OR4N2: variants seen among roughly 807,000 people sequenced by gnomAD.
OR4N2 encodes the protein olfactory receptor family 4 subfamily N member 2.
For missense variants in OR4N2, 307 were observed against 377.6 expected, an observed-to-expected ratio of 0.81 and a Z score of 1.55; for synonymous variants, 141 against 140.4, an observed-to-expected ratio of 1.00 and a Z score of -0.03.
At chr14:19,813,130 T>A (rs543615876) in intron 1 of OR4N2, among the ~76,000 whole-genome samples, 1 of 152,356 alleles carries the variant, frequency 6.6e-6, no homozygotes, top group South Asian at 2.1e-4. Flanking sequence ...CTGGATTATA[T>A]GCACAATTAT....
At chr14:19,815,144 G>C (rs1879393028) in intron 1 of OR4N2, among the ~76,000 whole-genome samples, 1 of 152,262 alleles carries the variant, frequency 6.6e-6, no homozygotes, top group African/African-American at 2.4e-5. Flanking sequence ...ATGTGCATGT[G>C]TCTTTATAGT....
At chr14:19,810,502 G>A (rs1879269644) in intron 1 of OR4N2, among the ~76,000 whole-genome samples, 1 of 152,190 alleles carries the variant, frequency 6.6e-6, no homozygotes, top group African/African-American at 2.4e-5. Context: ...ATATCCAAAG[G>A]AATATAAATC....
chr14:19,814,473 C>T (rs1314302164), intron 1 of OR4N2, among the ~76,000 whole-genome samples: 15 of 152,000 alleles, frequency 9.9e-5, no homozygotes, highest in African/African-American at 2.7e-4. Flanking sequence ...GTGCTTATCT[C>T]GCATGCAAAA....
rs183142191 is a variant in OR4N2 at position 19,804,081 on chromosome 14, C to T, written c.-10+237C>T. Among the ~76,000 whole-genome samples, 28 of 152,276 alleles carry T rather than the reference C, an allele frequency of 1.8e-4. No homozygotes were observed. The East Asian group carries it at 4.8e-3, about 26-fold the overall frequency. On this transcript the variant is annotated intron_variant, in intron 1 of 1. Transcript: ENST00000557677. ...TTTCTGACTGTGTTTATTTTTCTCTCTTCTCTTTTTTGCTTTATTAGTCTA... is the reference window on the plus strand; with the variant it reads ...TTTCTGACTGTGTTTATTTTTCTCTTTTCTCTTTTTTGCTTTATTAGTCTA...
chr14:19,827,435 T>G lies in OR4N2; in HGVS notation c.-9-5T>G, dbSNP rs1180581600. ...CAATTAATTCTGCTTCTTAATGTAC[T>G]GCAGGCCAGGGAAATGGAAAGCGAG... On this transcript the variant is annotated splice_region_variant and splice_polypyrimidine_tract_variant and intron_variant, in intron 1 of 1. Coordinates refer to ENST00000557677, the MANE Select transcript of OR4N2 (RefSeq NM_001004723.3). 6.4e-7 allele frequency: 1 copy of G among 1,565,830 alleles called. No individual in the cohort carries two copies. Among genetic ancestry groups the G allele is most frequent in the Non-Finnish European group, 8.6e-7 (1 of 1,158,026 alleles).
At chr14:19,818,256 G>A (rs1255978054) in intron 1 of OR4N2, among the ~76,000 whole-genome samples, 1 of 151,714 alleles carries the variant, frequency 6.6e-6, no homozygotes, top group Non-Finnish European at 1.5e-5. Context: ...AATTTTCATT[G>A]ATCTGTCTAA....
At chr14:19,813,962 C>CT (rs1355381058) in intron 1 of OR4N2, among the ~76,000 whole-genome samples, 4 of 151,038 alleles carry the variant, frequency 2.6e-5, no homozygotes, top group Non-Finnish European at 5.9e-5. Context: ...CTCTCTCTCT[C>CT]TTTTCTTCTT....
chr14:19,825,722 AT>A (rs1879679820), intron 1 of OR4N2, among the ~76,000 whole-genome samples: 1 of 152,010 alleles, frequency 6.6e-6, no homozygotes, highest in East Asian at 1.9e-4. Context: ...CGTCCAGCTA[AT>A]TTTTTTGTAT....
chr14:19,805,469 A>T (rs1879140023), intron 1 of OR4N2, among the ~76,000 whole-genome samples: 2 of 152,336 alleles, frequency 1.3e-5, no homozygotes, highest in South Asian at 4.1e-4. Flanking sequence ...TAACAGCAAA[A>T]TAGACCAAGC....
At chr14:19,806,245 T>C (rs1879161766) in intron 1 of OR4N2, among the ~76,000 whole-genome samples, 1 of 152,162 alleles carries the variant, frequency 6.6e-6, no homozygotes, top group Non-Finnish European at 1.5e-5. Context: ...TAAATGTAAG[T>C]TATCTAAATG....
intron 1 of OR4N2, among the ~76,000 whole-genome samples, chr14:19,815,955 A>C (rs1879416864): frequency 6.6e-6 from 1 of 152,224 alleles, no homozygotes; most frequent in African/African-American, 2.4e-5. Context: ...TTAAATAGGG[A>C]ATCCTTTTCC....
chr14:19,813,605 A>G (rs1879354834), intron 1 of OR4N2, among the ~76,000 whole-genome samples: 1 of 152,240 alleles, frequency 6.6e-6, no homozygotes, highest in Admixed American at 6.5e-5. Flanking sequence ...AATTACATTT[A>G]TAGACATTTT....
intron 1 of OR4N2, among the ~76,000 whole-genome samples, chr14:19,806,547 C>T (rs1199530005): frequency 3.3e-5 from 5 of 152,190 alleles, no homozygotes; most frequent in Admixed American, 6.5e-5. Context: ...ATACACTGAA[C>T]ATTGGAGCAC....
At chr14:19,826,749 A>G (rs1469217581) in intron 1 of OR4N2, among the ~76,000 whole-genome samples, 6 of 152,266 alleles carry the variant, frequency 3.9e-5, no homozygotes, top group African/African-American at 1.4e-4. Flanking sequence ...AGCTGCATGC[A>G]GGTGTGGAGT....
intron 1 of OR4N2, among the ~76,000 whole-genome samples, chr14:19,826,049 G>A (rs1370123702): frequency 6.6e-6 from 1 of 152,184 alleles, no homozygotes; most frequent in South Asian, 2.1e-4. Flanking sequence ...ATAAACCATT[G>A]TACTATGTTA....
In OR4N2 at chr14:19,827,644, T is replaced by A; in HGVS notation, c.196T>A (p.Leu66Met). ...CCCCCTCTATTTCTTTCTGGGCAAC[T>A]TGGCCTTCCTGGATGCATCCTACTC... The part of the protein sequence containing the change: ...TAPLYFFLGN[L>M]AFLDASYSFI... The change falls in exon 2 of 2, where the codon TTG becomes ATG. Residue 66 changes from leucine to methionine, a missense_variant. Coordinates refer to ENST00000557677, the MANE Select transcript of OR4N2 (RefSeq NM_001004723.3). The A allele has an allele frequency of 6.2e-7, 1 of 1,614,168 alleles. No individual in the cohort carries two copies. The highest frequency in any genetic ancestry group is 1.1e-5 in the South Asian group (1 of 91,082).
chr14:19,813,241 C>T (rs1264223800), intron 1 of OR4N2, among the ~76,000 whole-genome samples: 1 of 152,250 alleles, frequency 6.6e-6, no homozygotes. Flanking sequence ...ATGTATTTTG[C>T]TTCCTTTCTC....
rs550633681 is a variant in OR4N2, at chr14:19,828,324, G to A, written c.876G>A (p.Gln292=). ...LNPVIYTLRN[Q]EVKASMKKVF... is the part of the protein sequence containing the mutation. ...CTGTCATTTATACCCTTCGCAACCA[G>A]GAAGTGAAAGCTTCCATGAAAAAGG... Residue 292 remains glutamine, a synonymous_variant, in exon 2 of 2, where the codon CAG becomes CAA. Coordinates refer to ENST00000557677, the MANE Select transcript of OR4N2 (RefSeq NM_001004723.3). 1 of 1,613,826 alleles carries A rather than the reference G, an allele frequency of 6.2e-7. No individual in the cohort carries two copies. Among genetic ancestry groups the A allele is most frequent in the African/African-American group, 1.3e-5 (1 of 74,908 alleles).
At chr14:19,807,364 A>G (rs1168816802) in intron 1 of OR4N2, among the ~76,000 whole-genome samples, 2 of 152,112 alleles carry the variant, frequency 1.3e-5, no homozygotes, top group African/African-American at 4.8e-5. Flanking sequence ...AAAAAGCAGA[A>G]GACCCAAATG....
Sources: allele counts gnomAD v4.1 joint callset (sites outside exome capture counted in the v4.1 genomes callset), GRCh38; gene constraint gnomAD v4.1.1; transcripts MANE v1.5; gene names NCBI Gene and HGNC (gene_info 2026-07-23, HGNC 2026-07-21).